FBN2: variants seen among roughly 807,000 people sequenced by gnomAD.
FBN2 encodes fibrillin 2, also known as fibrillin-2.
In FBN2, 105 loss-of-function variants were observed where a neutral mutation model predicts 355.6. The ratio of observed to expected loss-of-function variants is 0.30; its 90% CI spans 0.25 to 0.35. The LOEUF (loss-of-function observed/expected upper bound fraction) is 0.35. Among genes scored for constraint, FBN2 ranks in the 10% least tolerant of loss-of-function variants. The pLI is 1.00. For synonymous variants in FBN2, 1,350 were observed against 1,301.2 expected (o/e 1.04, Z -0.81); for missense variants, 3,280 against 3,758.7 (o/e 0.87, Z 3.33).
Position 128,537,675 on chromosome 5 carries a change from A to G in FBN2, c.-72T>C. 1 of 1,471,058 alleles carries G rather than the reference A, an allele frequency of 6.8e-7. No individual in the cohort carries two copies. The highest frequency in any genetic ancestry group is 2.4e-5 in the East Asian group (1 of 42,242). The allele number at this position is 1,471,058 out of a possible 1,614,324, so 91.1% of individuals were successfully genotyped here. ...ATCAAAGACAAAATCTGCGCGCCTC[A>G]GAAAAGAGTCAGGGTCTAATAAGCC... On this transcript the variant is annotated 5_prime_UTR_variant, in exon 1 of 65. Transcript: ENST00000262464.
chr5:128,427,146 A>T (rs1446345499), intron 7 of FBN2, among the ~76,000 whole-genome samples: 1 of 152,134 alleles, frequency 6.6e-6, no homozygotes, highest in Non-Finnish European at 1.5e-5. Flanking sequence ...CCTGAGATGG[A>T]GGTGGGATCC....
Position 128,354,823 on chromosome 5 carries a change from T to C in FBN2, c.2674+2453A>G, listed in dbSNP as rs552310890. Among the ~76,000 whole-genome samples the C allele has an allele frequency of 2.5e-3, 386 of 152,318 alleles. 3 individuals carry two copies. The highest frequency in any genetic ancestry group is 8.9e-3 in the African/African-American group (370 of 41,576). On this transcript the variant is annotated intron_variant, in intron 20 of 64. Coordinates refer to ENST00000262464, the MANE Select transcript of FBN2 (RefSeq NM_001999.4). ...AAGCCAGTACACAGGAATTTGGTTTTAGACATGGGAATTTGAGATATCGAT... is the reference window on the plus strand; with the variant it reads ...AAGCCAGTACACAGGAATTTGGTTTCAGACATGGGAATTTGAGATATCGAT...
intron 11 of FBN2, among the ~76,000 whole-genome samples, chr5:128,387,943 G>A (rs954200508): frequency 6.6e-5 from 10 of 152,110 alleles, no homozygotes; most frequent in African/African-American, 2.4e-4. Flanking sequence ...TCAGTGGGGT[G>A]TTAAAGCCTC....
intron 2 of FBN2, among the ~76,000 whole-genome samples, chr5:128,534,613 A>G (rs899479225): frequency 2.0e-5 from 3 of 152,242 alleles, no homozygotes; most frequent in African/African-American, 7.2e-5. Flanking sequence ...GTAAATTCCA[A>G]TGTAGCTCAT....
intron 5 of FBN2, among the ~76,000 whole-genome samples, chr5:128,480,979 C>T (rs1490454106): frequency 1.3e-5 from 2 of 152,098 alleles, no homozygotes; most frequent in Non-Finnish European, 2.9e-5. Context: ...TGCAAGAAAC[C>T]ACTTAAATGG....
At chr5:128,380,177 C>T (rs568934865) in intron 11 of FBN2, among the ~76,000 whole-genome samples, 1 of 152,202 alleles carries the variant, frequency 6.6e-6, no homozygotes, top group South Asian at 2.1e-4. Flanking sequence ...ATCAATTCTA[C>T]TGAGCCAAAG....
At chr5:128,270,864 A>G (rs1765252299) in intron 62 of FBN2, among the ~76,000 whole-genome samples, 1 of 152,138 alleles carries the variant, frequency 6.6e-6, no homozygotes, top group Non-Finnish European at 1.5e-5. Flanking sequence ...TATGAAGAGG[A>G]AAAAAAAGTG....
intron 7 of FBN2, among the ~76,000 whole-genome samples, chr5:128,444,885 T>C (rs557776152): frequency 7.2e-5 from 11 of 152,356 alleles, no homozygotes; most frequent in African/African-American, 2.6e-4. Context: ...AATCAAACTT[T>C]GTTCCCAAGT....
At chr5:128,306,902 TCG>T (rs1380038828) in intron 42 of FBN2, among the ~76,000 whole-genome samples, 1 of 152,186 alleles carries the variant, frequency 6.6e-6, no homozygotes, top group East Asian at 1.9e-4. Flanking sequence ...GTGACAAATA[TCG>T]AGAGAGTCAC....
chr5:128,377,714 T>C (rs374021045), intron 13 of FBN2, 38 bp downstream of exon 13: 66 of 1,608,000 alleles, frequency 4.1e-5, no homozygotes, highest in Non-Finnish European at 5.4e-5. Context: ...TGTATATCCT[T>C]TTAAAATCTT....
chr5:128,409,153 G>T (rs1343822667), intron 7 of FBN2, among the ~76,000 whole-genome samples: 1 of 152,162 alleles, frequency 6.6e-6, no homozygotes, highest in East Asian at 1.9e-4. Flanking sequence ...CACATACATG[G>T]ATTACATTTT....
At chr5:128,447,541 T>G (rs1297237368) in intron 6 of FBN2, among the ~76,000 whole-genome samples, 4 of 152,236 alleles carry the variant, frequency 2.6e-5, no homozygotes, top group Non-Finnish European at 5.9e-5. Flanking sequence ...TCTCAAATCC[T>G]GTCTCCTGAT....
At chr5:128,476,880 T>C (rs1699561640) in intron 5 of FBN2, among the ~76,000 whole-genome samples, 1 of 152,214 alleles carries the variant, frequency 6.6e-6, no homozygotes, top group South Asian at 2.1e-4. Context: ...TCTTCCACAG[T>C]GTGAAAGTGG....
At chr5:128,502,444 G>A (rs1045106220) in intron 5 of FBN2, among the ~76,000 whole-genome samples, 4 of 151,972 alleles carry the variant, frequency 2.6e-5, no homozygotes, top group Admixed American at 1.3e-4. Context: ...AATATGAAGG[G>A]AAAAAGGTAC....
chr5:128,345,457 C>T lies in FBN2; in HGVS notation c.3117G>A (p.Glu1039=), dbSNP rs774301996. 2 of 1,614,160 alleles carry T rather than the reference C, an allele frequency of 1.2e-6. No homozygotes were observed. Among genetic ancestry groups the T allele is most frequent in the Non-Finnish European group, 1.7e-6 (2 of 1,180,026 alleles). The stretch of plus-strand genomic sequence containing the variant: ...ATTCCTTGGTGCCAGGTTTGGGGCA[C>T]TCCTCACACTCGGTGCCCCAAGCCG... ...VGAAWGTECE[E]CPKPGTKEYE... Residue 1039 remains glutamate (E), a synonymous_variant, in exon 24 of 65, where the codon GAG becomes GAA. Transcript: ENST00000262464.
chr5:128,311,535 C>A, intron 38 of FBN2, 110 bp from the exon 39 acceptor site: 1 of 1,133,996 alleles, frequency 8.8e-7, no homozygotes, highest in African/African-American at 1.5e-5. Context: ...TCTATGCATC[C>A]AAATGAACGC....
intron 60 of FBN2, among the ~76,000 whole-genome samples, chr5:128,274,218 T>C (rs1765330960): frequency 1.3e-5 from 2 of 152,224 alleles, no homozygotes; most frequent in Admixed American, 6.5e-5. Flanking sequence ...TTCCTTAACA[T>C]GTGTCTTCTA....
chr5:128,531,716 A>G (rs1333202064), intron 2 of FBN2, among the ~76,000 whole-genome samples: 2 of 143,536 alleles, frequency 1.4e-5, no homozygotes, highest in African/African-American at 2.7e-5. Flanking sequence ...ATATATATGT[A>G]TGTGTGTATA....
intron 2 of FBN2, among the ~76,000 whole-genome samples, chr5:128,532,822 G>T (rs966169736): frequency 3.3e-5 from 5 of 152,142 alleles, no homozygotes; most frequent in Admixed American, 3.3e-4. Flanking sequence ...TAGGCAAATG[G>T]ATCACTTGAG....
Sources: allele counts gnomAD v4.1 joint callset (sites outside exome capture counted in the v4.1 genomes callset), GRCh38; gene constraint gnomAD v4.1.1; transcripts MANE v1.5; gene names NCBI Gene and HGNC (gene_info 2026-07-23, HGNC 2026-07-21).